Variants in LRP1B observed in about 807,000 individuals in gnomAD.
LRP1B encodes the protein low-density lipoprotein receptor-related protein 1B.
LRP1B carries 217 observed loss-of-function variants against 556.6 expected under a neutral mutation model. That is an observed-to-expected ratio of 0.39 (90% CI 0.35 to 0.44). The LOEUF (loss-of-function observed/expected upper bound fraction) is 0.44. Among genes scored for constraint, LRP1B ranks in the 20% least tolerant of loss-of-function variants. The pLI is 1.00. For missense variants in LRP1B, 5,053 were observed against 5,620.8 expected, an observed-to-expected ratio of 0.90 and a Z score of 3.23; for synonymous variants, 2,047 against 1,865.8, an observed-to-expected ratio of 1.10 and a Z score of -2.50.
At chr2:140,500,093 GCTTT>G (rs1316609482) in intron 55 of LRP1B, among the ~76,000 whole-genome samples, 2 of 151,782 alleles carry the variant, frequency 1.3e-5, no homozygotes, top group African/African-American at 2.4e-5. Flanking sequence ...TGGCTCACTT[GCTTT>G]CTTTCTTTCT....
chr2:142,124,524 A>T (rs1707569872), intron 1 of LRP1B, among the ~76,000 whole-genome samples: 1 of 151,932 alleles, frequency 6.6e-6, no homozygotes, highest in South Asian at 2.1e-4. Context: ...ATTTTGGAAT[A>T]TATTTAAGTT....
At chr2:140,465,017 G>A (rs953243008) in intron 60 of LRP1B, among the ~76,000 whole-genome samples, 3 of 152,060 alleles carry the variant, frequency 2.0e-5, no homozygotes, top group Non-Finnish European at 4.4e-5. Flanking sequence ...CCTGAGACTG[G>A]GTAATTTATA....
intron 1 of LRP1B, among the ~76,000 whole-genome samples, chr2:142,109,599 A>G (rs2104986023): frequency 6.6e-6 from 1 of 152,320 alleles, no homozygotes; most frequent in Admixed American, 6.5e-5. Flanking sequence ...ATTATTAAAA[A>G]TAATTTTGAG....
In LRP1B at chr2:140,875,721, T is replaced by C. The variant is rs569186293; in HGVS notation, c.4170-7458A>G. 4.0e-5 allele frequency among the ~76,000 whole-genome samples: 6 copies of C among 151,008 alleles called. No homozygotes were observed. In the South Asian group the frequency reaches 1.2e-3, roughly 31 times the overall value. ...AGTCCAAAAATGACATAATTTGGCT[T>C]ATTTGTTATAAAAATTATACAGGAA... On this transcript the variant is annotated intron_variant, in intron 25 of 90. Coordinates refer to ENST00000389484, the MANE Select transcript of LRP1B (RefSeq NM_018557.3).
Position 140,702,612 on chromosome 2 carries a change from T to G in LRP1B, c.6024-59A>C, listed in dbSNP as rs898658442. 2.0e-6 allele frequency: 3 copies of G among 1,525,602 alleles called. No individual in the cohort carries two copies. In the African/African-American group the frequency reaches 4.1e-5, roughly 21 times the overall value. The allele number at this position is 1,525,602 out of a possible 1,614,324, so 94.5% of individuals were successfully genotyped here. A position where few individuals can be genotyped will look rare whatever the true frequency, so the allele number is the denominator to read the frequency against. ...TACATTTATTTGTAGTATGCAGAGC[T>G]ATGCAAAAAGACATTACTAATAACA... On this transcript the variant is annotated intron_variant, in intron 37 of 90. Coordinates refer to ENST00000389484, the MANE Select transcript of LRP1B (RefSeq NM_018557.3).
At chr2:140,365,504 G>A (rs581958) in intron 71 of LRP1B, among the ~76,000 whole-genome samples, 4,658 of 151,742 alleles carry the variant, frequency 0.031, 228 homozygotes, top group African/African-American at 0.11. Flanking sequence ...TGGGTTATAT[G>A]TCTAGAGATG....
chr2:140,376,389 A>G (rs1009662963), intron 68 of LRP1B, among the ~76,000 whole-genome samples: 3 of 152,236 alleles, frequency 2.0e-5, no homozygotes, highest in African/African-American at 7.2e-5. Context: ...GATGTTTTAC[A>G]TATTACCCAG....
rs570591516 is a variant in LRP1B at position 141,385,898 on chromosome 2, A to G, written c.343+94498T>C. Among the ~76,000 whole-genome samples the G allele has an allele frequency of 2.1e-4, 32 of 152,210 alleles. No homozygotes were observed. The East Asian group carries it at 5.4e-3, about 26-fold the overall frequency. On this transcript the variant is annotated intron_variant, in intron 3 of 90. Transcript: ENST00000389484. ...GCTGCTTAGTTTCTCTAAATACATT[A>G]TTTTTTCAATGTATTAATGGCATGT...
intron 1 of LRP1B, among the ~76,000 whole-genome samples, chr2:141,825,300 A>G (rs888595797): frequency 1.3e-5 from 2 of 152,198 alleles, no homozygotes; most frequent in Non-Finnish European, 2.9e-5. Context: ...CACAGATAAA[A>G]AGACTGAATA....
intron 23 of LRP1B, among the ~76,000 whole-genome samples, chr2:140,899,557 A>T (rs1025268123): frequency 3.3e-5 from 5 of 152,218 alleles, no homozygotes; most frequent in Admixed American, 6.5e-5. Context: ...TTTGTATGAA[A>T]TTCAAGTAAT....
intron 5 of LRP1B, among the ~76,000 whole-genome samples, chr2:141,236,363 G>A (rs924295748): frequency 6.6e-5 from 10 of 152,082 alleles, no homozygotes; most frequent in African/African-American, 2.4e-4. Flanking sequence ...GTCATAGAAA[G>A]ACAAGTAAAC....
intron 43 of LRP1B, among the ~76,000 whole-genome samples, chr2:140,589,332 A>T (rs1267776621): frequency 6.6e-6 from 1 of 152,224 alleles, no homozygotes; most frequent in Non-Finnish European, 1.5e-5. Flanking sequence ...AATAACTCAT[A>T]AACTGTAAGT....
At chr2:141,511,933 T>G (rs920930564) in intron 2 of LRP1B, among the ~76,000 whole-genome samples, 1 of 152,150 alleles carries the variant, frequency 6.6e-6, no homozygotes, top group Non-Finnish European at 1.5e-5. Context: ...TCCTAGTAAG[T>G]CATAAATTAA....
intron 6 of LRP1B, among the ~76,000 whole-genome samples, chr2:141,194,754 A>T (rs1261949103): frequency 6.6e-6 from 1 of 152,054 alleles, no homozygotes; most frequent in Admixed American, 6.6e-5. Context: ...AACTGTCCTT[A>T]TATTAAATAA....
chr2:141,096,669 A>AGG lies in LRP1B; in HGVS notation c.1014-34397_1014-34396insCC, dbSNP rs1344860983. Among the ~76,000 whole-genome samples, 795 of 130,206 alleles carry AGG rather than the reference A, an allele frequency of 6.1e-3. 92 individuals are homozygous for AGG. The highest frequency in any genetic ancestry group is 0.042 in the East Asian group (118 of 2,812). The allele number at this position is 130,206 out of a possible 152,430, so 85.4% of individuals were successfully genotyped here. ...GAGAGAGAGAGAGAGAGAGAGAGAGAGAGAGAGAGAGAGAGAGAGAGAAAA... is the reference window on the plus strand; with the variant it reads ...GAGAGAGAGAGAGAGAGAGAGAGAGAGGGAGAGAGAGAGAGAGAGAGAGAAAA... On this transcript the variant is annotated intron_variant, in intron 7 of 90. Coordinates refer to ENST00000389484, the MANE Select transcript of LRP1B (RefSeq NM_018557.3).
At chr2:140,806,150 A>T (rs1310752158) in intron 32 of LRP1B, among the ~76,000 whole-genome samples, 1 of 152,198 alleles carries the variant, frequency 6.6e-6, no homozygotes, top group Non-Finnish European at 1.5e-5. Context: ...GGCCCTCACC[A>T]GAACCCAACC....
intron 5 of LRP1B, among the ~76,000 whole-genome samples, chr2:141,244,109 C>T (rs572047119): frequency 1.3e-5 from 2 of 152,244 alleles, no homozygotes; most frequent in Non-Finnish European, 2.9e-5. Flanking sequence ...TGCACTAGTT[C>T]AGCACCTTTA....
chr2:140,662,933 C>T (rs478781), intron 41 of LRP1B, among the ~76,000 whole-genome samples: 150,184 of 152,234 alleles, frequency 0.99, 74,109 homozygotes, highest in Middle Eastern at 1. Context: ...TGTAGGGTAG[C>T]AAATATTAAT....
chr2:141,207,338 C>G (rs926045366), intron 6 of LRP1B, among the ~76,000 whole-genome samples: 4 of 152,060 alleles, frequency 2.6e-5, no homozygotes, highest in African/African-American at 9.7e-5. Context: ...TTTTGTCTAC[C>G]TCTCACAACT....
Sources: allele counts gnomAD v4.1 joint callset (sites outside exome capture counted in the v4.1 genomes callset), GRCh38; gene constraint gnomAD v4.1.1; transcripts MANE v1.5; gene names NCBI Gene and HGNC (gene_info 2026-07-23, HGNC 2026-07-21).